The following CPNE4 variants were observed in gnomAD, a reference collection of about 807,000 sequenced individuals.
CPNE4 encodes copine-4.
CPNE4 carries 25 observed loss-of-function variants against 67.9 expected under a neutral mutation model. That is an observed-to-expected ratio of 0.37 (90% CI 0.27 to 0.51). The LOEUF (loss-of-function observed/expected upper bound fraction) is 0.51, where lower values mean the gene tolerates loss of function less well. CPNE4 is among the 20% of genes least tolerant of loss of function. CPNE4 has a pLI of 0.93. For missense variants in CPNE4, 464 were observed against 690.8 expected, an observed-to-expected ratio of 0.67 and a Z score of 3.68; for synonymous variants, 242 against 244.9, an observed-to-expected ratio of 0.99 and a Z score of 0.11.
chr3:131,885,774 A>G (rs927379227), intron 2 of CPNE4, among the ~76,000 whole-genome samples: 1 of 151,846 alleles, frequency 6.6e-6, no homozygotes, highest in East Asian at 1.9e-4. Flanking sequence ...CCTACCTATG[A>G]GTGAGAATAT....
intron 2 of CPNE4, among the ~76,000 whole-genome samples, chr3:131,820,263 G>A (rs2084914409): frequency 6.6e-6 from 1 of 152,204 alleles, no homozygotes; most frequent in Admixed American, 6.5e-5. Context: ...GGCAGTAGGA[G>A]AAGTTGTGCT....
intron 1 of CPNE4, among the ~76,000 whole-genome samples, chr3:131,999,284 T>C (rs917376826): frequency 5.2e-5 from 7 of 134,666 alleles, no homozygotes; most frequent in African/African-American, 2.0e-4. Context: ...TGTACACAAA[T>C]GTGTATGAAT....
At chr3:131,993,093 A>G (rs114633953) in intron 1 of CPNE4, among the ~76,000 whole-genome samples, 5,352 of 136,160 alleles carry the variant, frequency 0.039, 629 homozygotes, top group African/African-American at 0.12. Flanking sequence ...GATAAGGCAC[A>G]TGATTTGCTT....
chr3:131,887,721 T>C (rs1583406603), intron 2 of CPNE4, among the ~76,000 whole-genome samples: 1 of 152,196 alleles, frequency 6.6e-6, no homozygotes, highest in South Asian at 2.1e-4. Context: ...CTTTCAAGCT[T>C]CTGAGAAAAC....
intron 1 of CPNE4, among the ~76,000 whole-genome samples, chr3:131,942,451 TGTGTGTGTGTGTGAGA>T (rs1231563570): frequency 2.9e-4 from 18 of 62,426 alleles, no homozygotes; most frequent in African/African-American, 1.1e-3. Context: ...TGTGTGTGTG[TGTGTGTGTGTGTGAGA>T]GAGAGAGAGA....
chr3:132,012,632 G>A (rs943717160), intron 1 of CPNE4, among the ~76,000 whole-genome samples: 2 of 152,108 alleles, frequency 1.3e-5, no homozygotes, highest in Non-Finnish European at 2.9e-5. Context: ...GAAATTAGCA[G>A]GTAAGATGGC....
At chr3:131,792,633 A>G (rs1448922204) in intron 2 of CPNE4, among the ~76,000 whole-genome samples, 1 of 92,662 alleles carries the variant, frequency 1.1e-5, no homozygotes, top group Non-Finnish European at 2.2e-5. Flanking sequence ...ATATATATAC[A>G]CACGTGTATA....
chr3:132,002,411 C>T (rs2073478957), intron 1 of CPNE4, among the ~76,000 whole-genome samples: 2 of 152,118 alleles, frequency 1.3e-5, no homozygotes, highest in South Asian at 4.1e-4. Flanking sequence ...GAATACAAGG[C>T]AGTGAAGTTC....
At chr3:131,762,820 C>A (rs184704249) in intron 2 of CPNE4, among the ~76,000 whole-genome samples, 1 of 151,588 alleles carries the variant, frequency 6.6e-6, no homozygotes, top group South Asian at 2.1e-4. Flanking sequence ...TTACGGATAT[C>A]ATGATATTTT....
At chr3:131,697,378 T>G (rs1291728318) in intron 4 of CPNE4, among the ~76,000 whole-genome samples, 2 of 152,210 alleles carry the variant, frequency 1.3e-5, no homozygotes, top group Non-Finnish European at 2.9e-5. Context: ...TGTTAGGATT[T>G]ACCATGTATT....
intron 14 of CPNE4, among the ~76,000 whole-genome samples, chr3:131,544,073 G>A: frequency 6.6e-6 from 1 of 152,216 alleles, no homozygotes; most frequent in East Asian, 1.9e-4. Flanking sequence ...GTCAACATGA[G>A]AGGCATCATG....
At chr3:132,024,081 AAT>A (rs2074063506) in intron 1 of CPNE4, among the ~76,000 whole-genome samples, 3 of 87,000 alleles carry the variant, frequency 3.4e-5, no homozygotes, top group Non-Finnish European at 6.2e-5. Flanking sequence ...GGTCTTCAGT[AAT>A]TTTTTTTTTT....
intron 14 of CPNE4, among the ~76,000 whole-genome samples, chr3:131,545,054 T>C (rs2107634324): frequency 6.6e-6 from 1 of 152,370 alleles, no homozygotes; most frequent in South Asian, 2.1e-4. Flanking sequence ...ATAAGTATTT[T>C]AGGCTTTGTA....
At chr3:131,683,308 A>G (rs1583016573) in intron 6 of CPNE4, among the ~76,000 whole-genome samples, 1 of 152,202 alleles carries the variant, frequency 6.6e-6, no homozygotes, top group African/African-American at 2.4e-5. Flanking sequence ...GCCTGGCTAC[A>G]ACTGCTGATT....
At chr3:131,751,647 T>C (rs190494009) in intron 2 of CPNE4, among the ~76,000 whole-genome samples, 7 of 152,330 alleles carry the variant, frequency 4.6e-5, no homozygotes, top group Admixed American at 3.9e-4. Flanking sequence ...TTGGAATACA[T>C]TGTCTTTTCT....
intron 2 of CPNE4, among the ~76,000 whole-genome samples, chr3:131,783,422 G>A (rs1235811371): frequency 1.3e-5 from 2 of 152,084 alleles, no homozygotes; most frequent in Admixed American, 1.3e-4. Flanking sequence ...TAACACTTGG[G>A]TTCTGCCATC....
chr3:132,027,857 T>C (rs1160374207), intron 1 of CPNE4, among the ~76,000 whole-genome samples: 1 of 152,226 alleles, frequency 6.6e-6, no homozygotes, highest in Non-Finnish European at 1.5e-5. Context: ...TTTTGGGCCA[T>C]TCTATTGCCC....
rs540481950 is a variant in CPNE4, at chr3:131,583,674, C to T, written c.781-2009G>A. 2.0e-5 allele frequency among the ~76,000 whole-genome samples: 3 copies of T among 152,270 alleles called. No homozygotes were observed. The South Asian group carries it at 6.2e-4, about 32-fold the overall frequency. Reference sequence around the variant, plus strand: ...GGGCTCCAAGGAAGTTGAATCAAACCCGTAGATACTTGGGGTCCTTGTACT... The same window carrying T: ...GGGCTCCAAGGAAGTTGAATCAAACTCGTAGATACTTGGGGTCCTTGTACT... On this transcript the variant is annotated intron_variant, in intron 8 of 15. Transcript: ENST00000429747.
chr3:131,917,152 G>A (rs1279439547), intron 1 of CPNE4, among the ~76,000 whole-genome samples: 3 of 152,164 alleles, frequency 2.0e-5, no homozygotes, highest in African/African-American at 7.2e-5. Flanking sequence ...GAAAGACCTT[G>A]GGGACAATAT....
Sources: gnomAD v4.1 joint callset for allele counts (sites outside exome capture counted in the v4.1 genomes callset) on GRCh38, gnomAD v4.1.1 for gene constraint, MANE v1.5 for transcripts, NCBI Gene and HGNC (gene_info 2026-07-23, HGNC 2026-07-21) for gene names.